Variants in CAMTA1 observed in about 807,000 individuals in gnomAD.
The protein encoded by CAMTA1 is calmodulin binding transcription activator 1, also known as calmodulin-binding transcription activator 1.
In CAMTA1, 27 loss-of-function variants were observed where a neutral mutation model predicts 170.9. The observed-to-expected ratio is 0.16, with a 90% CI of 0.12 to 0.22. The LOEUF is 0.22. Ranked by LOEUF, CAMTA1 falls within the 10% of genes least tolerant of loss-of-function variation. The pLI is 1.00. For missense variants in CAMTA1, 1,619 were observed against 2,217.2 expected, an observed-to-expected ratio of 0.73 and a Z score of 5.42; for synonymous variants, 833 against 891.5, an observed-to-expected ratio of 0.93 and a Z score of 1.17.
chr1:7,588,933 C>T lies in CAMTA1; in HGVS notation c.511-51467C>T, dbSNP rs998233398. Among the ~76,000 whole-genome samples, 1 of 152,212 alleles carries T rather than the reference C, an allele frequency of 6.6e-6. No homozygotes were observed. Among genetic ancestry groups the T allele is most frequent in the Non-Finnish European group, 1.5e-5 (1 of 68,038 alleles). ...TCTGCCACGATCAGGGAAGACTGATCGTGCTTGGATAAGTGCAGCTTAAAA... is the reference window on the plus strand; with the variant it reads ...TCTGCCACGATCAGGGAAGACTGATTGTGCTTGGATAAGTGCAGCTTAAAA... On this transcript the variant is annotated intron_variant, in intron 6 of 22. Coordinates refer to ENST00000303635, the MANE Select transcript of CAMTA1 (RefSeq NM_015215.4). The surrounding 1 kb of genome is among the most constrained non-coding windows in gnomAD (Gnocchi z 5.8).
intron 3 of CAMTA1, among the ~76,000 whole-genome samples, chr1:7,080,113 T>C (rs906946085): frequency 1.3e-5 from 2 of 152,246 alleles, no homozygotes; most frequent in African/African-American, 4.8e-5. Flanking sequence ...TTTTAATCCC[T>C]GAAATATGGG....
At chr1:7,049,170 CT>C (rs1705892663) in intron 3 of CAMTA1, among the ~76,000 whole-genome samples, 1 of 152,184 alleles carries the variant, frequency 6.6e-6, no homozygotes, top group Non-Finnish European at 1.5e-5. Context: ...GAACTACAGG[CT>C]GGTTCTGGGG....
In CAMTA1 at chr1:7,472,203, C is replaced by T. The variant is rs1406648214; in HGVS notation, c.510+4302C>T. 3.3e-5 allele frequency among the ~76,000 whole-genome samples: 5 copies of T among 152,170 alleles called. No individual in the cohort carries two copies. The East Asian group carries it at 7.7e-4, about 24-fold the overall frequency. The stretch of plus-strand genomic sequence containing the variant: ...GGGCAAGAGCACGGCTGCGGGGAGA[C>T]GAGGACCCTGGGGCCTTAGGAGACC... On this transcript the variant is annotated intron_variant, in intron 6 of 22. Transcript: ENST00000303635.
Position 7,594,226 on chromosome 1 carries a change from GAAGGAAGGAAGGAAGA to G in CAMTA1, c.511-46170_511-46155del, listed in dbSNP as rs1441170106. ...GGAAGGAAGGAAGGAAGGAAGGAAGGAAGGAAGGAAGGAAGAAAGAAAAGAAGGACTGTCAGAGGAG... is the reference window on the plus strand; with the variant it reads ...GGAAGGAAGGAAGGAAGGAAGGAAGGAAGAAAAGAAGGACTGTCAGAGGAG... On this transcript the variant is annotated intron_variant, in intron 6 of 22. Coordinates refer to ENST00000303635, the MANE Select transcript of CAMTA1 (RefSeq NM_015215.4). Among the ~76,000 whole-genome samples, 7 of 151,296 alleles carry G rather than the reference GAAGGAAGGAAGGAAGA, an allele frequency of 4.6e-5. No individual in the cohort carries two copies. In the South Asian group the frequency reaches 6.3e-4, roughly 14 times the overall value.
chr1:7,737,405 C>T lies in CAMTA1; in HGVS notation c.3493C>T (p.His1165Tyr). 6.2e-7 allele frequency: 1 copy of T among 1,614,226 alleles called. No homozygotes were observed. The highest frequency in any genetic ancestry group is 8.5e-7 in the Non-Finnish European group (1 of 1,180,044). The change falls in exon 15 of 23, where the codon CAC (histidine) becomes TAC (tyrosine). Residue 1165 changes from histidine (H) to tyrosine (Y), a missense_variant. By Grantham distance (83) the His-to-Tyr change is moderately conservative. Transcript: ENST00000303635. ...TGTGAAATTAGCAGAGTGTCTGGAGCACCTGCAGAGAGATGAGCAGGCTCA... is the reference window on the plus strand; with the variant it reads ...TGTGAAATTAGCAGAGTGTCTGGAGTACCTGCAGAGAGATGAGCAGGCTCA... ...GHVKLAECLE[H>Y]LQRDEQAQLG...
chr1:7,477,174 C>T (rs905399101), intron 6 of CAMTA1, among the ~76,000 whole-genome samples: 2 of 152,300 alleles, frequency 1.3e-5, no homozygotes, highest in Admixed American at 1.3e-4. Flanking sequence ...AAGCTGCGGG[C>T]CAGGGATAGA....
chr1:6,911,640 C>T (rs933468144), intron 3 of CAMTA1, among the ~76,000 whole-genome samples: 1 of 152,162 alleles, frequency 6.6e-6, no homozygotes, highest in Non-Finnish European at 1.5e-5. Flanking sequence ...CTGAGAAGCC[C>T]CCTGTCCGAG....
intron 4 of CAMTA1, among the ~76,000 whole-genome samples, chr1:7,169,703 G>A (rs1649215145): frequency 6.6e-6 from 1 of 152,068 alleles, no homozygotes; most frequent in Non-Finnish European, 1.5e-5. Flanking sequence ...GTAGAGAAGT[G>A]GTTTCACCAT....
chr1:7,153,114 A>G (rs1230869161), intron 4 of CAMTA1, among the ~76,000 whole-genome samples: 2 of 152,172 alleles, frequency 1.3e-5, no homozygotes, highest in Admixed American at 6.5e-5. Flanking sequence ...GACTTCTGCC[A>G]TGGGAAGCAT....
chr1:7,510,628 A>G lies in CAMTA1; in HGVS notation c.510+42727A>G, dbSNP rs1284074183. ...GTCCATCAACAATCCATCAGAAATG[A>G]CGTCAAGAATCTTTCAAGTGATGAA... is the stretch of plus-strand genomic sequence containing the variant. On this transcript the variant is annotated intron_variant, in intron 6 of 22. Transcript: ENST00000303635. Among the ~76,000 whole-genome samples, 5 of 146,532 alleles carry G rather than the reference A, an allele frequency of 3.4e-5. 1 individual carries two copies. The highest frequency in any genetic ancestry group is 6.8e-5 in the Admixed American group (1 of 14,718).
chr1:7,524,413 T>A (rs1456086383), intron 6 of CAMTA1, among the ~76,000 whole-genome samples: 1 of 152,172 alleles, frequency 6.6e-6, no homozygotes. Flanking sequence ...ATTTAGGCAA[T>A]CATGTCATCT....
intron 22 of CAMTA1, among the ~76,000 whole-genome samples, chr1:7,760,999 A>G (rs1469037272): frequency 6.6e-6 from 1 of 152,214 alleles, no homozygotes; most frequent in Non-Finnish European, 1.5e-5. Context: ...ATAAATGATC[A>G]TTGGACGTCT....
chr1:6,901,316 C>A (rs1437287286), intron 3 of CAMTA1, among the ~76,000 whole-genome samples: 1 of 152,140 alleles, frequency 6.6e-6, no homozygotes, highest in African/African-American at 2.4e-5. Context: ...GTTTTCATGA[C>A]CTTGGGTTAG....
At position 7,650,549 on chromosome 1, in the gene CAMTA1, C is replaced by T. The variant is rs137951763; in HGVS notation, c.664+9996C>T. Among the ~76,000 whole-genome samples the T allele has an allele frequency of 4.2e-3, 643 of 152,242 alleles. 3 individuals are homozygous for T. Among genetic ancestry groups the T allele is most frequent in the Non-Finnish European group, 6.7e-3 (454 of 68,014 alleles). ...CTCCACCCCCGCCTTTTCCAGAGGA[C>T]GTGTGATGTTGGGACGAAGCCCATG... On this transcript the variant is annotated intron_variant, in intron 7 of 22. Coordinates refer to ENST00000303635, the MANE Select transcript of CAMTA1 (RefSeq NM_015215.4).
chr1:7,647,742 A>G (rs2095819265), intron 7 of CAMTA1, among the ~76,000 whole-genome samples: 1 of 152,168 alleles, frequency 6.6e-6, no homozygotes, highest in Non-Finnish European at 1.5e-5. Flanking sequence ...CCTGACTAGG[A>G]ACAGGTATCC....
chr1:7,337,417 A>C (rs376459062), intron 5 of CAMTA1, among the ~76,000 whole-genome samples: 46 of 152,330 alleles, frequency 3.0e-4, no homozygotes, highest in African/African-American at 1.0e-3. Context: ...GTATTTTGTA[A>C]ATGTGATGAA....
intron 11 of CAMTA1, among the ~76,000 whole-genome samples, chr1:7,690,263 G>A (rs1020156073): frequency 1.3e-5 from 2 of 152,210 alleles, no homozygotes; most frequent in African/African-American, 4.8e-5. Flanking sequence ...GTGTCCCCGC[G>A]GAGTGAGCTG....
chr1:7,128,507 T>G (rs12127150), intron 4 of CAMTA1, among the ~76,000 whole-genome samples: 2 of 152,042 alleles, frequency 1.3e-5, no homozygotes, highest in Non-Finnish European at 2.9e-5. Context: ...AGAAACAGGG[T>G]TGAGTGGTCA....
At chr1:7,198,242 A>G (rs1655935227) in intron 4 of CAMTA1, among the ~76,000 whole-genome samples, 1 of 152,102 alleles carries the variant, frequency 6.6e-6, no homozygotes, top group Non-Finnish European at 1.5e-5. Flanking sequence ...CAGTGCATCT[A>G]GTAGAGCCAG....
Sources: allele counts gnomAD v4.1 joint callset (sites outside exome capture counted in the v4.1 genomes callset), GRCh38; gene constraint gnomAD v4.1.1; non-coding constraint Gnocchi (gnomAD v3.1); transcripts MANE v1.5; gene names NCBI Gene and HGNC (gene_info 2026-07-23, HGNC 2026-07-21).